The following ASNS variants were observed in gnomAD, a reference collection of about 807,000 sequenced individuals.
ASNS encodes asparagine synthetase (glutamine-hydrolyzing).
ASNS carries 37 observed loss-of-function variants against 62.6 expected under a neutral mutation model. The ratio of observed to expected loss-of-function variants is 0.59; its 90% CI spans 0.45 to 0.78. ASNS has a LOEUF of 0.78. Ranked by LOEUF, ASNS falls within the 30% of genes least tolerant of loss-of-function variation. ASNS has a pLI of 0.00. For synonymous variants in ASNS, 207 were observed against 237.9 expected (o/e 0.87, Z 1.19); for missense variants, 520 against 682.4 (o/e 0.76, Z 2.65).
chr7:97,919,934 A>G, the ASNS span, among the ~76,000 whole-genome samples: 1 of 152,044 alleles, frequency 6.6e-6, no homozygotes, highest in Non-Finnish European at 1.5e-5. Context: ...TGGAAATCCA[A>G]GCTTCCTCTT....
At chr7:97,868,509 C>T (rs1047874597) in intron 3 of ASNS, among the ~76,000 whole-genome samples, 2 of 110,868 alleles carry the variant, frequency 1.8e-5, no homozygotes, top group African/African-American at 7.9e-5. Context: ...TCAAATGATT[C>T]AGCAAAAACA....
chr7:97,927,717 C>A, the ASNS span, among the ~76,000 whole-genome samples: 6 of 152,390 alleles, frequency 3.9e-5, no homozygotes, highest in South Asian at 8.3e-4. Flanking sequence ...TTTCCGTGAT[C>A]GGCCCTGGAA....
chr7:97,868,225 T>C (rs1792067126), intron 3 of ASNS, among the ~76,000 whole-genome samples: 1 of 152,100 alleles, frequency 6.6e-6, no homozygotes, highest in Non-Finnish European at 1.5e-5. Flanking sequence ...GGAGAATTGC[T>C]TGAACCTGGG....
the ASNS span, chr7:97,908,552 C>A: frequency 6.6e-6 from 1 of 151,944 alleles, no homozygotes; most frequent in Non-Finnish European, 1.5e-5. Flanking sequence ...AGGCACGCAC[C>A]ACTACTGCCT....
intron 7 of ASNS, among the ~76,000 whole-genome samples, chr7:97,857,636 AAC>A (rs61380875): frequency 0.032 from 4,840 of 150,188 alleles, 285 homozygotes; most frequent in African/African-American, 0.11. Context: ...AAAAAAAAAA[AAC>A]GAACAAAAAA....
the ASNS span, among the ~76,000 whole-genome samples, chr7:97,896,739 CACATATAT>C: frequency 8.5e-3 from 273 of 32,000 alleles, 5 homozygotes; most frequent in Middle Eastern, 0.026. Context: ...CACACACACA[CACATATAT>C]ATATATATAT....
At chr7:97,864,541 T>A in intron 3 of ASNS, 45 bp from the exon 4 acceptor site, 1 of 1,323,172 alleles carries the variant, frequency 7.6e-7, no homozygotes, top group Non-Finnish European at 1.1e-6. Context: ...TCCTTGTACA[T>A]TCACTAATAA....
the ASNS span, among the ~76,000 whole-genome samples, chr7:97,879,187 A>G: frequency 1.3e-5 from 2 of 152,200 alleles, no homozygotes; most frequent in African/African-American, 2.4e-5. Flanking sequence ...TAAAACCATA[A>G]AAACCCTAGA....
chr7:97,925,881 C>G, the ASNS span, among the ~76,000 whole-genome samples: 1 of 152,174 alleles, frequency 6.6e-6, no homozygotes, highest in African/African-American at 2.4e-5. Flanking sequence ...ACTTGTCTCC[C>G]TCCAGGAAGA....
chr7:97,894,488 A>C, the ASNS span, among the ~76,000 whole-genome samples: 4 of 136,084 alleles, frequency 2.9e-5, no homozygotes, highest in East Asian at 4.3e-4. Flanking sequence ...ACCAAAAAAA[A>C]AAAAAAAAAA....
At chr7:97,870,185 C>A in intron 1 of ASNS, 2 of 970,596 alleles carry the variant, frequency 2.1e-6, no homozygotes, top group East Asian at 3.0e-5. Flanking sequence ...CATTTGGGCC[C>A]TGTTTGGCAG....
chr7:97,902,578 A>G, the ASNS span, among the ~76,000 whole-genome samples: 1 of 152,018 alleles, frequency 6.6e-6, no homozygotes, highest in African/African-American at 2.4e-5. Flanking sequence ...AAATTAGGCA[A>G]CAGTGGTGGC....
At chr7:97,897,281 A>T in the ASNS span, among the ~76,000 whole-genome samples, 1 of 152,190 alleles carries the variant, frequency 6.6e-6, no homozygotes, top group Non-Finnish European at 1.5e-5. Flanking sequence ...TAAATGTAAA[A>T]CCCATAACTA....
chr7:97,901,488 C>T, the ASNS span, among the ~76,000 whole-genome samples: 11 of 152,218 alleles, frequency 7.2e-5, no homozygotes, highest in Non-Finnish European at 1.2e-4. Flanking sequence ...CCACCATGCC[C>T]GATCTCAGTC....
the ASNS span, among the ~76,000 whole-genome samples, chr7:97,903,613 C>T: frequency 6.6e-6 from 1 of 152,102 alleles, no homozygotes; most frequent in African/African-American, 2.4e-5. Context: ...AAAGTCTTCC[C>T]CTCTAGGAAA....
chr7:97,912,148 G>C, the ASNS span, among the ~76,000 whole-genome samples: 3 of 152,212 alleles, frequency 2.0e-5, no homozygotes, highest in African/African-American at 4.8e-5. Flanking sequence ...CAGAAGCTCA[G>C]AGAGGTAAAC....
At chr7:97,923,000 G>A in the ASNS span, among the ~76,000 whole-genome samples, 1 of 152,072 alleles carries the variant, frequency 6.6e-6, no homozygotes, top group South Asian at 2.1e-4. Context: ...ATGTTGGCTA[G>A]GCTGGTCTCG....
chr7:97,884,228 C>G, the ASNS span, among the ~76,000 whole-genome samples: 42 of 149,250 alleles, frequency 2.8e-4, no homozygotes, highest in East Asian at 1.8e-3. Context: ...TGCCCTGAAG[C>G]CTTCAGCCAC....
chr7:97,863,036 T>C (rs1791797883), intron 4 of ASNS: 1 of 152,196 alleles, frequency 6.6e-6, no homozygotes, highest in Non-Finnish European at 1.5e-5. Context: ...AATACACTGC[T>C]GGAGTGAATA....
Sources: gnomAD v4.1 joint callset for allele counts (sites outside exome capture counted in the v4.1 genomes callset) on GRCh38, gnomAD v4.1.1 for gene constraint, MANE v1.5 for transcripts, NCBI Gene and HGNC (gene_info 2026-07-23, HGNC 2026-07-21) for gene names.